Variants in CEP63 observed in about 807,000 individuals in gnomAD.
The protein encoded by CEP63 is centrosomal protein of 63 kDa.
In CEP63, 84 loss-of-function variants were observed where a neutral mutation model predicts 89.1. The ratio of observed to expected loss-of-function variants is 0.94; its 90% CI spans 0.79 to 1.13. The LOEUF is 1.13. Ranked by LOEUF, CEP63 falls within the 50% of genes most tolerant of loss-of-function variation. The probability of loss-of-function intolerance (pLI) is 0.00; values close to 1 mark genes in which losing one functional copy is unlikely to be tolerated. For missense variants in CEP63, 838 were observed against 813.3 expected (o/e 1.03, Z -0.37); for synonymous variants, 267 against 272.5 (o/e 0.98, Z 0.20).
the CEP63 span, chr3:134,603,805 C>G: frequency 6.2e-7 from 1 of 1,613,758 alleles, no homozygotes; most frequent in East Asian, 2.2e-5. Flanking sequence ...AGGAAGCACA[C>G]CTGACAGAGG....
the CEP63 span, among the ~76,000 whole-genome samples, chr3:134,641,613 T>A: frequency 6.6e-6 from 1 of 152,190 alleles, no homozygotes; most frequent in African/African-American, 2.4e-5. Context: ...ATTTTGGACT[T>A]CTGGGCTCCA....
the CEP63 span, among the ~76,000 whole-genome samples, chr3:134,628,534 A>C: frequency 6.6e-6 from 1 of 152,192 alleles, no homozygotes; most frequent in Admixed American, 6.5e-5. Context: ...TTGCAACCAC[A>C]CATGGGTTAT....
At chr3:134,680,624 G>A in the CEP63 span, among the ~76,000 whole-genome samples, 1 of 152,218 alleles carries the variant, frequency 6.6e-6, no homozygotes, top group African/African-American at 2.4e-5. Context: ...ATCTGGCTTA[G>A]TGATGCTTGA....
At chr3:134,639,061 T>G in the CEP63 span, among the ~76,000 whole-genome samples, 89 of 138,108 alleles carry the variant, frequency 6.4e-4, no homozygotes, top group African/African-American at 2.2e-3. Flanking sequence ...TTTTTTTTTC[T>G]ACTTTGGAGT....
intron 12 of CEP63, among the ~76,000 whole-genome samples, chr3:134,556,325 G>C (rs1004524712): frequency 6.6e-6 from 1 of 152,132 alleles, no homozygotes; most frequent in Non-Finnish European, 1.5e-5. Context: ...ACTACCATCA[G>C]AGTGAACAGG....
the CEP63 span, among the ~76,000 whole-genome samples, chr3:134,668,147 G>A: frequency 6.6e-6 from 1 of 152,132 alleles, no homozygotes; most frequent in East Asian, 1.9e-4. Flanking sequence ...TCAGACCTCA[G>A]GTCTCTGCTA....
chr3:134,570,255 G>A (rs1957960301), intron 11 of CEP63, among the ~76,000 whole-genome samples: 1 of 149,774 alleles, frequency 6.7e-6, no homozygotes, highest in Non-Finnish European at 1.5e-5. Context: ...TTTCTCCTCA[G>A]AAAGTGGGAT....
the CEP63 span, among the ~76,000 whole-genome samples, chr3:134,696,751 T>C: frequency 6.0e-4 from 92 of 152,314 alleles, no homozygotes; most frequent in African/African-American, 2.0e-3. Flanking sequence ...TATTCAAACA[T>C]GTATATTGCT....
intron 2 of CEP63, among the ~76,000 whole-genome samples, chr3:134,495,862 G>A (rs1199176330): frequency 6.6e-6 from 1 of 152,076 alleles, no homozygotes; most frequent in African/African-American, 2.4e-5. Context: ...TTCACTTAAC[G>A]ACCACCAGTT....
At chr3:134,744,532 G>A in the CEP63 span, among the ~76,000 whole-genome samples, 105 of 152,288 alleles carry the variant, frequency 6.9e-4, no homozygotes, top group Non-Finnish European at 1.1e-3. Flanking sequence ...ATAGCATTGG[G>A]AAGGAAAGGA....
chr3:134,518,119 A>G lies in CEP63; in HGVS notation c.222+10833A>G, dbSNP rs1178295202. On this transcript the variant is annotated intron_variant, in intron 3 of 14. Coordinates refer to ENST00000675561, the MANE Select transcript of CEP63 (RefSeq NM_001353108.3). The stretch of plus-strand genomic sequence containing the variant: ...TTAACCAGGTTGCTTTAATAATTCA[A>G]TTCTATAAATACTTAATAATGTAGC... Among the ~76,000 whole-genome samples, 10 of 152,324 alleles carry G rather than the reference A, an allele frequency of 6.6e-5. No homozygotes were observed. In the South Asian group the frequency reaches 1.7e-3, roughly 25 times the overall value.
the CEP63 span, among the ~76,000 whole-genome samples, chr3:134,747,761 T>G: frequency 6.6e-6 from 1 of 152,202 alleles, no homozygotes; most frequent in Admixed American, 6.5e-5. Context: ...AAGTGGGAAC[T>G]GTAACTGTGA....
At position 134,558,270 on chromosome 3, in the gene CEP63, G is replaced by A. The variant is rs149211765; in HGVS notation, c.1596G>A (p.Gln532=). 1,445 of 1,613,784 alleles carry A rather than the reference G, an allele frequency of 9.0e-4. 11 individuals carry two copies. Among genetic ancestry groups the A allele is most frequent in the South Asian group, 8.6e-3 (786 of 91,072 alleles). Residue 532 remains glutamine (Q), a synonymous_variant, in exon 13 of 15, where the codon CAG becomes CAA. Transcript: ENST00000675561. ...AATCTCAGCTGGAGATTTCTACTCAGATGTGCAAAAAACAAAATGACAGGA... is the reference window on the plus strand; with the variant it reads ...AATCTCAGCTGGAGATTTCTACTCAAATGTGCAAAAAACAAAATGACAGGA... ...NTKSQLEIST[Q]MCKKQNDRIF...
chr3:134,681,116 C>T, the CEP63 span, among the ~76,000 whole-genome samples: 3 of 152,106 alleles, frequency 2.0e-5, no homozygotes, highest in Non-Finnish European at 2.9e-5. Context: ...GGGCCCTGTT[C>T]CTATAAGGGG....
At chr3:134,585,181 A>G (rs570649565) in intron 10 of CEP63, among the ~76,000 whole-genome samples, 30 of 151,974 alleles carry the variant, frequency 2.0e-4, no homozygotes, top group African/African-American at 6.5e-4. Flanking sequence ...TTGTGTCCCT[A>G]TCTCCTTCAG....
chr3:134,752,959 G>C, the CEP63 span, among the ~76,000 whole-genome samples: 1 of 152,138 alleles, frequency 6.6e-6, no homozygotes, highest in African/African-American at 2.4e-5. Flanking sequence ...ATATGGGTCT[G>C]GTGGCCAGGA....
Position 134,507,141 on chromosome 3 carries a change from A to C in CEP63, c.77A>C (p.Gln26Pro), listed in dbSNP as rs1226299459. 2 of 1,613,704 alleles carry C rather than the reference A, an allele frequency of 1.2e-6. No homozygotes were observed. Among genetic ancestry groups the C allele is most frequent in the Non-Finnish European group, 1.7e-6 (2 of 1,179,854 alleles). ...TTGACATCTTGTGAAGCAGAACTAC[A>C]GGAGCTCATGAAACAGATTGACATA... ...GFLTSCEAEL[Q>P]ELMKQIDIMV... Residue 26 changes from glutamine to proline, a missense_variant, in exon 3 of 15, where the codon CAG (glutamine) becomes CCG (proline). By Grantham distance (76) the Gln-to-Pro change is moderately conservative. Transcript: ENST00000675561.
intron 6 of CEP63, among the ~76,000 whole-genome samples, chr3:134,545,062 C>T (rs190029213): frequency 1.1e-4 from 16 of 152,164 alleles, no homozygotes; most frequent in African/African-American, 3.6e-4. Flanking sequence ...GGCGCAATCT[C>T]GGCTCACTGC....
Position 134,585,415 on chromosome 3 carries a change from A to G in CEP63, c.1207-2043A>G, listed in dbSNP as rs1250876541. Among the ~76,000 whole-genome samples, 4 of 152,288 alleles carry G rather than the reference A, an allele frequency of 2.6e-5. No homozygotes were observed. The East Asian group carries it at 5.8e-4, about 22-fold the overall frequency. On this transcript the variant is annotated intron_variant, in intron 10 of 10. Coordinates refer to the CEP63 transcript ENST00000683931. ...TTTGTTCTCATTGGTTTCAAAGAAC[A>G]TCTTTATTTCTGCCTTCATTTTGTC...
Sources: gnomAD v4.1 joint callset for allele counts (sites outside exome capture counted in the v4.1 genomes callset) on GRCh38, gnomAD v4.1.1 for gene constraint, MANE v1.5 for transcripts, NCBI Gene and HGNC (gene_info 2026-07-23, HGNC 2026-07-21) for gene names.